The following FARS2 variants were observed in gnomAD, a reference collection of about 807,000 sequenced individuals.
FARS2 encodes phenylalanyl-tRNA synthetase 2, mitochondrial, also known as phenylalanine--tRNA ligase, mitochondrial.
FARS2 carries 40 observed loss-of-function variants against 46.4 expected under a neutral mutation model. That is an observed-to-expected ratio of 0.86 (90% confidence interval 0.67 to 1.12). The LOEUF (loss-of-function observed/expected upper bound fraction) is 1.12, where lower values mean the gene tolerates loss of function less well. FARS2 is among the 50% of genes most tolerant of loss of function. The pLI, the probability that FARS2 is intolerant of heterozygous loss-of-function variation, is 0.00. For missense variants in FARS2, 513 were observed against 567.9 expected (o/e 0.90, Z 0.98); for synonymous variants, 234 against 214.9 (o/e 1.09, Z -0.78).
intron 1 of FARS2, among the ~76,000 whole-genome samples, chr6:5,267,676 G>A (rs9405815): frequency 0.64 from 96,841 of 150,770 alleles, 31,572 homozygotes; most frequent in East Asian, 0.84. Flanking sequence ...ATGGCATGAA[G>A]TTGGGAGGTG....
intron 4 of FARS2, among the ~76,000 whole-genome samples, chr6:5,500,173 G>A (rs555877189): frequency 1.3e-5 from 2 of 152,232 alleles, no homozygotes; most frequent in South Asian, 4.1e-4. Flanking sequence ...ATTTCATTGT[G>A]CTGCCTCCCT....
At chr6:5,433,764 T>TGTCA (rs1295088048) in intron 4 of FARS2, among the ~76,000 whole-genome samples, 1 of 152,202 alleles carries the variant, frequency 6.6e-6, no homozygotes, top group Non-Finnish European at 1.5e-5. Flanking sequence ...GAGTGCCTGG[T>TGTCA]GTCAGGGGGC....
At chr6:5,651,289 A>C (rs578190033) in intron 6 of FARS2, among the ~76,000 whole-genome samples, 1 of 152,202 alleles carries the variant, frequency 6.6e-6, no homozygotes, top group African/African-American at 2.4e-5. Flanking sequence ...AGTTAGTAGT[A>C]CAAGCTTCCT....
intron 1 of FARS2, among the ~76,000 whole-genome samples, chr6:5,322,807 A>G (rs1770076722): frequency 6.6e-6 from 1 of 152,188 alleles, no homozygotes; most frequent in African/African-American, 2.4e-5. Flanking sequence ...TGCTGTTTTG[A>G]GACACAAAAA....
intron 1 of FARS2, among the ~76,000 whole-genome samples, chr6:5,361,229 A>C (rs1758281650): frequency 6.6e-6 from 1 of 152,178 alleles, no homozygotes; most frequent in East Asian, 1.9e-4. Context: ...GTATCATTCA[A>C]ACTCGTTGCA....
intron 6 of FARS2, among the ~76,000 whole-genome samples, chr6:5,742,051 A>G (rs1761377693): frequency 6.6e-6 from 1 of 152,214 alleles, no homozygotes; most frequent in Non-Finnish European, 1.5e-5. Context: ...TCTGCCCAAG[A>G]CAGAAAGTTT....
At chr6:5,671,544 C>G (rs1778463146) in intron 6 of FARS2, among the ~76,000 whole-genome samples, 1 of 152,158 alleles carries the variant, frequency 6.6e-6, no homozygotes. Flanking sequence ...TGGTGAGGCT[C>G]CCCCTTCTCG....
rs566666024 is a variant in FARS2 at position 5,319,523 on chromosome 6, A to G, written c.-21-49027A>G. Among the ~76,000 whole-genome samples the G allele has an allele frequency of 3.2e-4, 48 of 152,314 alleles. 1 individual carries two copies. The South Asian group carries it at 8.9e-3, about 28-fold the overall frequency. On this transcript the variant is annotated intron_variant, in intron 1 of 6. Transcript: ENST00000274680. ...GAAATGCCAACTTTGGACCATGCCA[A>G]TGTATAAAACCCCAAGTCAAGGGTG...
intron 5 of FARS2, among the ~76,000 whole-genome samples, chr6:5,581,957 G>T (rs1773358131): frequency 7.1e-6 from 1 of 140,456 alleles, no homozygotes; most frequent in Admixed American, 7.1e-5. Flanking sequence ...AATTCCTGAT[G>T]TGCTTTTATA....
intron 4 of FARS2, among the ~76,000 whole-genome samples, chr6:5,474,391 A>G (rs1765987859): frequency 6.6e-6 from 1 of 152,202 alleles, no homozygotes; most frequent in African/African-American, 2.4e-5. Context: ...GATAAGATAT[A>G]CAGTCATGCA....
At chr6:5,541,431 AG>A (rs1220451063) in intron 4 of FARS2, among the ~76,000 whole-genome samples, 2 of 152,192 alleles carry the variant, frequency 1.3e-5, no homozygotes, top group Non-Finnish European at 2.9e-5. Context: ...ATCAAGATAG[AG>A]AAAATTTCCA....
chr6:5,564,752 T>C (rs1389515982), intron 5 of FARS2, among the ~76,000 whole-genome samples: 1 of 152,190 alleles, frequency 6.6e-6, no homozygotes, highest in African/African-American at 2.4e-5. Context: ...AGCCCAGCCA[T>C]GGGTTTGTGT....
chr6:5,380,000 C>G lies in FARS2; in HGVS notation c.612+10818C>G, dbSNP rs776190777. On this transcript the variant is annotated intron_variant, in intron 2 of 6. Coordinates refer to ENST00000274680, the MANE Select transcript of FARS2 (RefSeq NM_006567.5). ...GCTCCCTTTCCTGAATGTCTAGAAG[C>G]CTTTAGGGAGATAGGCTATCATTTA... 5.3e-5 allele frequency among the ~76,000 whole-genome samples: 8 copies of G among 152,152 alleles called. No individual in the cohort carries two copies. In the East Asian group the frequency reaches 1.5e-3, roughly 29 times the overall value.
chr6:5,558,034 T>G (rs970740404), intron 5 of FARS2, among the ~76,000 whole-genome samples: 2 of 151,996 alleles, frequency 1.3e-5, no homozygotes, highest in Non-Finnish European at 2.9e-5. Flanking sequence ...CTCTCAAATG[T>G]TGATCAGAAC....
intron 1 of FARS2, among the ~76,000 whole-genome samples, chr6:5,287,107 G>A (rs1370052848): frequency 6.6e-6 from 1 of 152,238 alleles, no homozygotes; most frequent in Non-Finnish European, 1.5e-5. Context: ...TAGGTAAAGA[G>A]CCAGACAAGT....
At chr6:5,637,734 A>G (rs12526923) in intron 6 of FARS2, among the ~76,000 whole-genome samples, 30,468 of 152,106 alleles carry the variant, frequency 0.2, 3,866 homozygotes, top group Admixed American at 0.32. Flanking sequence ...GTGTGGGCAG[A>G]GTTAATTTCT....
intron 6 of FARS2, among the ~76,000 whole-genome samples, chr6:5,759,610 CTCTGACCACCAGTGGTCCTGGCGTTT>C (rs1214144332): frequency 6.6e-6 from 1 of 152,172 alleles, no homozygotes; most frequent in Non-Finnish European, 1.5e-5. Context: ...TCCCTTTCGA[CTCTGACCACCAGTGGTCCTGGCGTTT>C]CCTAGCCAGG....
chr6:5,491,046 TA>T (rs1767075503), intron 4 of FARS2, among the ~76,000 whole-genome samples: 1 of 152,234 alleles, frequency 6.6e-6, no homozygotes, highest in Non-Finnish European at 1.5e-5. Context: ...CATCAATAGA[TA>T]AGGAATACAA....
intron 1 of FARS2, among the ~76,000 whole-genome samples, chr6:5,292,299 C>T (rs1767559696): frequency 6.6e-6 from 1 of 152,198 alleles, no homozygotes; most frequent in African/African-American, 2.4e-5. Flanking sequence ...TTTAAGACTT[C>T]TGTTTTAGAT....
Sources: allele counts gnomAD v4.1 joint callset (sites outside exome capture counted in the v4.1 genomes callset), GRCh38; gene constraint gnomAD v4.1.1; transcripts MANE v1.5; gene names NCBI Gene and HGNC (gene_info 2026-07-23, HGNC 2026-07-21).